The following CFAP70 variants were observed in gnomAD, a reference collection of about 807,000 sequenced individuals.
The protein encoded by CFAP70 is cilia and flagella associated protein 70.
Under a neutral mutation model 137.6 loss-of-function variants are expected in CFAP70, and 81 were observed. The observed-to-expected ratio is 0.59, with a 90% CI of 0.49 to 0.71. CFAP70 has a LOEUF of 0.71. Ranked by LOEUF, CFAP70 falls within the 30% of genes least tolerant of loss-of-function variation. The pLI, the probability that CFAP70 is intolerant of heterozygous loss-of-function variation, is 0.00. For synonymous variants in CFAP70, 382 were observed against 423.6 expected (o/e 0.90, Z 1.20); for missense variants, 976 against 1,226.7 (o/e 0.80, Z 3.05).
intron 19 of CFAP70, among the ~76,000 whole-genome samples, chr10:73,282,378 A>C (rs61058483): frequency 0.15 from 22,232 of 150,942 alleles, 1,987 homozygotes; most frequent in East Asian, 0.32. Context: ...CACACACACA[A>C]AAAAAAAAAC....
At chr10:73,267,729 C>T (rs566921498) in intron 25 of CFAP70, among the ~76,000 whole-genome samples, 2 of 152,228 alleles carry the variant, frequency 1.3e-5, no homozygotes, top group Non-Finnish European at 2.9e-5. Flanking sequence ...TAGGGTCTCA[C>T]AAGGCCAAAA....
intron 9 of CFAP70, among the ~76,000 whole-genome samples, chr10:73,316,676 C>T (rs1055439444): frequency 6.6e-6 from 1 of 151,662 alleles, no homozygotes; most frequent in Non-Finnish European, 1.5e-5. Flanking sequence ...TAACTTAATT[C>T]TGGTAAAATA....
rs778402466 is a variant in CFAP70, at chr10:73,299,621, G to C, written c.1301C>G (p.Thr434Arg). The C allele has an allele frequency of 8.7e-6, 14 of 1,613,060 alleles. No homozygotes were observed. The East Asian group carries it at 3.1e-4, about 36-fold the overall frequency. The change falls in exon 13 of 27, where the codon ACA becomes AGA. Residue 434 changes from threonine to arginine, a missense_variant. Physicochemically the swap from Thr to Arg is moderately conservative, Grantham distance 71. Coordinates refer to ENST00000310715, the Ensembl canonical transcript of CFAP70. The stretch of plus-strand genomic sequence containing the variant: ...GGCACTTGCCTTCTGAGCTCCTCCT[G>C]TCCGACGGGTAAGAGGAGGCCTTGG...
chr10:73,268,266 T>A (rs886772516), intron 25 of CFAP70, among the ~76,000 whole-genome samples: 1 of 152,224 alleles, frequency 6.6e-6, no homozygotes, highest in African/African-American at 2.4e-5. Context: ...ATTACAAGCA[T>A]GTTTTCAGTT....
chr10:73,291,463 T>G lies in CFAP70; in HGVS notation c.2021-19A>C. The G allele has an allele frequency of 6.2e-7, 1 of 1,604,556 alleles. No homozygotes were observed. Among genetic ancestry groups the G allele is most frequent in the Non-Finnish European group, 8.5e-7 (1 of 1,171,438 alleles). ...TACAAACCTGGGGAAAGAAAAATGT[T>G]GAAATACATATGACTATTTTCCCAC... On this transcript the variant is annotated intron_variant, in intron 18 of 26. Transcript: ENST00000310715.
chr10:73,327,432 C>T (rs1411720625), intron 8 of CFAP70, among the ~76,000 whole-genome samples: 1 of 151,338 alleles, frequency 6.6e-6, no homozygotes, highest in East Asian at 2.0e-4. Context: ...TGGCACAAGA[C>T]AGGGATGCCC....
chr10:73,357,214 C>T (rs952477014), intron 1 of CFAP70, among the ~76,000 whole-genome samples: 16 of 152,142 alleles, frequency 1.1e-4, no homozygotes, highest in South Asian at 2.1e-4. Flanking sequence ...TGTAGCCTCC[C>T]TTCTAAGAGA....
chr10:73,284,378 C>T (rs2047486983), intron 19 of CFAP70, among the ~76,000 whole-genome samples: 1 of 152,074 alleles, frequency 6.6e-6, no homozygotes, highest in Non-Finnish European at 1.5e-5. Flanking sequence ...GATAATCTCC[C>T]CATTTCAAGA....
intron 1 of CFAP70, among the ~76,000 whole-genome samples, chr10:73,357,787 C>T (rs2054785375): frequency 6.6e-6 from 1 of 152,206 alleles, no homozygotes; most frequent in African/African-American, 2.4e-5. Context: ...CTCCCTTTCT[C>T]CTCACTCCGT....
At chr10:73,345,398 G>A (rs922140861) in intron 4 of CFAP70, among the ~76,000 whole-genome samples, 154 bp from the exon 6 acceptor site, 1 of 152,128 alleles carries the variant, frequency 6.6e-6, no homozygotes, top group Non-Finnish European at 1.5e-5. Context: ...AGTCCCATGA[G>A]TTGGAGATAG....
At chr10:73,330,799 T>C (rs2051995328) in intron 8 of CFAP70, among the ~76,000 whole-genome samples, 1 of 152,034 alleles carries the variant, frequency 6.6e-6, no homozygotes, top group Non-Finnish European at 1.5e-5. Context: ...TTAAAAACAG[T>C]AGTATATCTA....
intron 8 of CFAP70, among the ~76,000 whole-genome samples, chr10:73,325,460 T>C (rs2051311842): frequency 6.6e-6 from 1 of 152,192 alleles, no homozygotes; most frequent in Non-Finnish European, 1.5e-5. Flanking sequence ...AACATCATAA[T>C]GACGGGATCA....
At chr10:73,344,352 C>G (rs543473058) in intron 5 of CFAP70, among the ~76,000 whole-genome samples, 1 of 152,268 alleles carries the variant, frequency 6.6e-6, no homozygotes, top group African/African-American at 2.4e-5. Context: ...TTAGCAAAAA[C>G]AAAGAGAAAA....
intron 25 of CFAP70, among the ~76,000 whole-genome samples, chr10:73,263,356 T>A (rs140236318): frequency 5.8e-4 from 88 of 152,334 alleles, no homozygotes; most frequent in African/African-American, 2.0e-3. Context: ...GTGCCGGGAT[T>A]ACAGGCATGA....
Position 73,254,061 on chromosome 10 carries a change from T to C in CFAP70, c.3076-6A>G, listed in dbSNP as rs886378050. On this transcript the variant is annotated splice_polypyrimidine_tract_variant and splice_region_variant and intron_variant, in intron 26 of 26. Transcript: ENST00000310715. ...GCCTCATCTTTCAATTTCAGCTACATGAAAGAGGAAGAAAGGGAAAGATAT... is the reference window on the plus strand; with the variant it reads ...GCCTCATCTTTCAATTTCAGCTACACGAAAGAGGAAGAAAGGGAAAGATAT... The C allele has an allele frequency of 6.3e-7, 1 of 1,587,134 alleles. No individual in the cohort carries two copies. Among genetic ancestry groups the C allele is most frequent in the Non-Finnish European group, 8.6e-7 (1 of 1,159,898 alleles).
At chr10:73,357,494 A>C (rs539651858) in intron 1 of CFAP70, among the ~76,000 whole-genome samples, 50 of 152,352 alleles carry the variant, frequency 3.3e-4, no homozygotes, top group African/African-American at 1.2e-3. Context: ...TGGTGGAGTA[A>C]GAAGAAATAG....
chr10:73,338,765 T>C (rs1458257767), intron 6 of CFAP70, among the ~76,000 whole-genome samples: 2 of 151,890 alleles, frequency 1.3e-5, no homozygotes, highest in African/African-American at 2.4e-5. Flanking sequence ...GAATCAAAAA[T>C]ACAGTATTTG....
chr10:73,282,826 C>CTTTTTTTTTTTTT (rs1203127459), intron 19 of CFAP70, among the ~76,000 whole-genome samples: 4 of 90,932 alleles, frequency 4.4e-5, no homozygotes, highest in Admixed American at 1.2e-4. Context: ...TTCCTGTTAT[C>CTTTTTTTTTTTTT]TTTTTTTTTT....
Position 73,254,059 on chromosome 10 carries a change from C to T in CFAP70, c.3076-4G>A, listed in dbSNP as rs775368453. On this transcript the variant is annotated splice_polypyrimidine_tract_variant and splice_region_variant and intron_variant, in intron 26 of 26. Transcript: ENST00000310715. Reference sequence around the variant, plus strand: ...GAGCCTCATCTTTCAATTTCAGCTACATGAAAGAGGAAGAAAGGGAAAGAT... The same window carrying T: ...GAGCCTCATCTTTCAATTTCAGCTATATGAAAGAGGAAGAAAGGGAAAGAT... 4.6e-5 allele frequency: 73 copies of T among 1,586,418 alleles called. No individual in the cohort carries two copies. In the Admixed American group the frequency reaches 1.2e-3, roughly 26 times the overall value.
Sources: gnomAD v4.1 joint callset for allele counts (sites outside exome capture counted in the v4.1 genomes callset) on GRCh38, gnomAD v4.1.1 for gene constraint, MANE v1.5 for transcripts, NCBI Gene and HGNC (gene_info 2026-07-23, HGNC 2026-07-21) for gene names.